The following HCK variants were observed in gnomAD, a reference collection of about 807,000 sequenced individuals.
HCK encodes tyrosine-protein kinase HCK.
A neutral mutation model predicts 70.4 loss-of-function variants in HCK; 40 were observed. That is an observed-to-expected ratio of 0.57 (90% CI 0.44 to 0.74). The LOEUF (loss-of-function observed/expected upper bound fraction) is 0.74. Among genes scored for constraint, HCK ranks in the 30% least tolerant of loss-of-function variants. The pLI is 0.00. For synonymous variants in HCK, 245 were observed against 263.2 expected (o/e 0.93, Z 0.67); for missense variants, 568 against 697.2 (o/e 0.81, Z 2.09).
chr20:32,088,553 C>G lies in HCK; in HGVS notation c.1016-15C>G. 6.2e-7 allele frequency: 1 copy of G among 1,604,594 alleles called. No homozygotes were observed. Among genetic ancestry groups the G allele is most frequent in the Non-Finnish European group, 8.5e-7 (1 of 1,175,210 alleles). On this transcript the variant is annotated splice_polypyrimidine_tract_variant and intron_variant, in intron 9 of 12. Coordinates refer to ENST00000375852, the MANE Select transcript of HCK (RefSeq NM_002110.5). ...AGTAAAAGTAGTAAATGTTCCTCCC[C>G]TCTCCCCCATATAGGAAGCTTGCTG...
In HCK at chr20:32,052,477, G is replaced by T; in HGVS notation, c.53G>T (p.Arg18Leu). 7.9e-7 allele frequency: 1 copy of T among 1,264,688 alleles called. No individual in the cohort carries two copies. Among genetic ancestry groups the T allele is most frequent in the Non-Finnish European group, 1.0e-6 (1 of 996,752 alleles). The allele number at this position is 1,264,688 out of a possible 1,614,324, so 78.3% of individuals were successfully genotyped here. A position where few individuals can be genotyped will look rare whatever the true frequency, so the allele number is the denominator to read the frequency against. ...CCGGGCTGCCCGCGAGACGAGGAGC[G>T]GGCGCCCAGGTGAGTGCCGCGCACA... The change falls in exon 1 of 13, where the codon CGG (arginine) becomes CTG (leucine). Residue 18 changes from arginine to leucine, a missense_variant. Physicochemically the swap from Arg to Leu is moderately radical, Grantham distance 102. Coordinates refer to ENST00000375852, the MANE Select transcript of HCK (RefSeq NM_002110.5).
intron 10 of HCK, 53 bp downstream of exon 10, chr20:32,088,697 C>A: frequency 7.2e-7 from 1 of 1,387,980 alleles, no homozygotes; most frequent in Non-Finnish European, 1.0e-6. Flanking sequence ...GATTTTTTTA[C>A]TTGCCAAATA....
chr20:32,082,502 C>T (rs1292328648), intron 6 of HCK, among the ~76,000 whole-genome samples: 3 of 151,852 alleles, frequency 2.0e-5, no homozygotes, highest in Non-Finnish European at 4.4e-5. Flanking sequence ...ATTAGCCGGG[C>T]GTAGTGGCGG....
chr20:32,080,432 T>C (rs968152949), intron 6 of HCK, among the ~76,000 whole-genome samples: 8 of 152,056 alleles, frequency 5.3e-5, no homozygotes, highest in Non-Finnish European at 1.2e-4. Flanking sequence ...CTCCTGACCT[T>C]GCGATCCACC....
Position 32,101,351 on chromosome 20 carries a change from G to C in HCK, c.1413G>C (p.Glu471Asp), listed in dbSNP as rs1282463298. ...ACCCTGAAGTGATCCGAGCTCTGGAGCGTGGATACCGGATGCCTCGCCCAG... is the reference window on the plus strand; with the variant it reads ...ACCCTGAAGTGATCCGAGCTCTGGACCGTGGATACCGGATGCCTCGCCCAG... The change falls in exon 13 of 13, where the codon GAG becomes GAC. Residue 471 changes from glutamate to aspartate, a missense_variant. Coordinates refer to ENST00000375852, the MANE Select transcript of HCK (RefSeq NM_002110.5). 1.2e-6 allele frequency: 2 copies of C among 1,614,210 alleles called. No homozygotes were observed. The highest frequency in any genetic ancestry group is 1.7e-6 in the Non-Finnish European group (2 of 1,180,036).
At chr20:32,090,067 A>G (rs565063559) in intron 10 of HCK, among the ~76,000 whole-genome samples, 19 of 152,366 alleles carry the variant, frequency 1.2e-4, no homozygotes, top group African/African-American at 4.6e-4. Context: ...AAAGTGTAAC[A>G]AAAGACTCTA....
chr20:32,081,558 T>C (rs577578628), intron 6 of HCK, among the ~76,000 whole-genome samples: 2 of 152,314 alleles, frequency 1.3e-5, no homozygotes, highest in African/African-American at 4.8e-5. Flanking sequence ...GGGACATTGA[T>C]TAAAGGCATG....
At chr20:32,062,549 G>C (rs2045395633) in intron 1 of HCK, among the ~76,000 whole-genome samples, 2 of 152,178 alleles carry the variant, frequency 1.3e-5, no homozygotes, top group Non-Finnish European at 2.9e-5. Flanking sequence ...TTCTCCTTTA[G>C]TGTGTTGCTC....
chr20:32,095,404 C>T (rs751778482), intron 11 of HCK, among the ~76,000 whole-genome samples: 8 of 152,036 alleles, frequency 5.3e-5, no homozygotes, highest in Admixed American at 2.0e-4. Context: ...TACAGGCGCA[C>T]ACCACCATAC....
intron 1 of HCK, among the ~76,000 whole-genome samples, chr20:32,066,337 A>T (rs1461375135): frequency 6.9e-5 from 2 of 29,112 alleles, no homozygotes; most frequent in African/African-American, 1.6e-4. Flanking sequence ...TTTTTGACAG[A>T]GTCTTGCTCT....
At chr20:32,076,428 GCT>G (rs1220899393) in intron 5 of HCK, among the ~76,000 whole-genome samples, 1 of 152,166 alleles carries the variant, frequency 6.6e-6, no homozygotes, top group South Asian at 2.1e-4. Flanking sequence ...GTCATCCCAT[GCT>G]CTGTTTCTCC....
intron 4 of HCK, among the ~76,000 whole-genome samples, 178 bp downstream of exon 4, chr20:32,073,996 A>T (rs781674698): frequency 1.3e-5 from 2 of 152,198 alleles, no homozygotes; most frequent in Non-Finnish European, 2.9e-5. Flanking sequence ...GATGAAGGGG[A>T]TTGTGCACTT....
chr20:32,083,919 C>G lies in HCK; in HGVS notation c.558C>G (p.Asp186Glu). Residue 186 changes from aspartate to glutamate, a missense_variant, in exon 7 of 13, where the codon GAC becomes GAG. Asp to Glu is a conservative substitution (Grantham distance 45). Transcript: ENST00000375852. ...GAAGCTACTCTTTGTCCGTGCGAGACTACGACCCTCGGCAGGGAGATACCG... is the reference window on the plus strand; with the variant it reads ...GAAGCTACTCTTTGTCCGTGCGAGAGTACGACCCTCGGCAGGGAGATACCG... 1 of 1,614,226 alleles carries G rather than the reference C, an allele frequency of 6.2e-7. No homozygotes were observed. Among genetic ancestry groups the G allele is most frequent in the Non-Finnish European group, 8.5e-7 (1 of 1,180,040 alleles).
chr20:32,058,676 G>C (rs2045314875), intron 1 of HCK, among the ~76,000 whole-genome samples: 1 of 151,198 alleles, frequency 6.6e-6, no homozygotes, highest in South Asian at 2.1e-4. Context: ...ATATGTCTTA[G>C]TTTGAGTTTC....
intron 2 of HCK, 92 bp from the exon 3 acceptor site, chr20:32,073,227 A>G (rs2045569349): frequency 9.5e-7 from 1 of 1,058,008 alleles, no homozygotes; most frequent in African/African-American, 1.6e-5. Context: ...GGCTAGGGTA[A>G]GATGCTCTTG....
intron 1 of HCK, among the ~76,000 whole-genome samples, chr20:32,056,497 C>T (rs1337933279): frequency 6.7e-6 from 1 of 149,982 alleles, no homozygotes; most frequent in Non-Finnish European, 1.5e-5. Flanking sequence ...GCCTGGGCGA[C>T]AGAGCGAGAC....
chr20:32,078,866 AAAAAAAAAAAAAAG>A (rs1039095677), intron 5 of HCK, among the ~76,000 whole-genome samples: 1 of 150,850 alleles, frequency 6.6e-6, no homozygotes, highest in Non-Finnish European at 1.5e-5. Flanking sequence ...CAAAAAAAAA[AAAAAAAAAAAAAAG>A]GGGGGGAATG....
In HCK at chr20:32,068,242, G is replaced by A. The variant is rs537697748; in HGVS notation, c.63-3420G>A. On this transcript the variant is annotated intron_variant, in intron 1 of 12. Transcript: ENST00000375852. The stretch of plus-strand genomic sequence containing the variant: ...GAACCCTGGAGGCAGAGGTTGCGGT[G>A]AGTGGAGATGGCACCACCGTACTCC... 3.3e-5 allele frequency among the ~76,000 whole-genome samples: 5 copies of A among 151,970 alleles called. No individual in the cohort carries two copies. The East Asian group carries it at 5.8e-4, about 18-fold the overall frequency.
At chr20:32,067,609 C>G (rs952063876) in intron 1 of HCK, among the ~76,000 whole-genome samples, 1 of 148,170 alleles carries the variant, frequency 6.7e-6, no homozygotes, top group African/African-American at 2.5e-5. Context: ...GTATGGCACG[C>G]CAGGCATGCA....
Sources: allele counts gnomAD v4.1 joint callset (sites outside exome capture counted in the v4.1 genomes callset), GRCh38; gene constraint gnomAD v4.1.1; transcripts MANE v1.5; gene names NCBI Gene and HGNC (gene_info 2026-07-23, HGNC 2026-07-21).